CHN2: variants seen among roughly 807,000 people sequenced by gnomAD.
CHN2 encodes the protein chimerin 2.
A neutral mutation model predicts 56.3 loss-of-function variants in CHN2; 35 were observed. The ratio of observed to expected loss-of-function variants is 0.62; its 90% CI spans 0.47 to 0.82. The LOEUF (loss-of-function observed/expected upper bound fraction) is 0.82, where lower values mean the gene tolerates loss of function less well. Among genes scored for constraint, CHN2 ranks in the 40% least tolerant of loss-of-function variants. The pLI, the probability that CHN2 is intolerant of heterozygous loss-of-function variation, is 0.00. For synonymous variants in CHN2, 210 were observed against 212.8 expected (o/e 0.99, Z 0.12); for missense variants, 491 against 580.5 (o/e 0.85, Z 1.58).
chr7:29,456,384 T>C (rs1370091265), intron 6 of CHN2, among the ~76,000 whole-genome samples: 1 of 151,910 alleles, frequency 6.6e-6, no homozygotes, highest in Non-Finnish European at 1.5e-5. Flanking sequence ...TTAGCTGCCT[T>C]CATGTGGCCT....
intron 1 of CHN2, among the ~76,000 whole-genome samples, chr7:29,336,755 G>A (rs1286172481): frequency 6.2e-5 from 4 of 64,682 alleles, no homozygotes; most frequent in Non-Finnish European, 1.0e-4. Flanking sequence ...GCAAGATTCT[G>A]TCTCAAAAAA....
chr7:29,197,816 T>G (rs1210360149), intron 1 of CHN2: 2 of 399,534 alleles, frequency 5.0e-6, no homozygotes, highest in South Asian at 3.7e-5. Flanking sequence ...AAACAAATTC[T>G]GTGGAGAAGG....
At chr7:29,216,704 G>A (rs1285554672) in intron 1 of CHN2, among the ~76,000 whole-genome samples, 2 of 152,110 alleles carry the variant, frequency 1.3e-5, no homozygotes. Context: ...AAATCACAAG[G>A]ACCAATTGAT....
At chr7:29,336,146 T>A (rs1796601409) in intron 1 of CHN2, 1 of 152,166 alleles carries the variant, frequency 6.6e-6, no homozygotes, top group Admixed American at 6.6e-5. Flanking sequence ...TCCTGGAGAA[T>A]CTCCCTTGTG....
At position 29,354,664 on chromosome 7, in the gene CHN2, G is replaced by A; in HGVS notation, c.88+1G>A. 1.2e-6 allele frequency: 2 copies of A among 1,610,936 alleles called. No homozygotes were observed. The highest frequency in any genetic ancestry group is 8.5e-7 in the Non-Finnish European group (1 of 1,178,702). On this transcript the variant is annotated splice_donor_variant, in intron 2 of 12. Transcript: ENST00000222792. LOFTEE classifies it high-confidence loss of function. ...CAGCCTCCTATATGGAAATCATACT[G>A]TGAGTACCTGAAATGAAAATCTCCC...
At chr7:29,350,945 T>G (rs983138600) in intron 1 of CHN2, among the ~76,000 whole-genome samples, 2 of 151,992 alleles carry the variant, frequency 1.3e-5, no homozygotes, top group Admixed American at 6.6e-5. Context: ...CCATCTCTAC[T>G]AAAAATACAA....
At chr7:29,408,085 G>C (rs1311692656) in intron 6 of CHN2, among the ~76,000 whole-genome samples, 1 of 151,962 alleles carries the variant, frequency 6.6e-6, no homozygotes, top group Non-Finnish European at 1.5e-5. Flanking sequence ...AGCTACTCTG[G>C]AGGCTGAGAC....
chr7:29,402,188 G>A (rs1415608603), intron 6 of CHN2, among the ~76,000 whole-genome samples: 1 of 152,174 alleles, frequency 6.6e-6, no homozygotes, highest in Non-Finnish European at 1.5e-5. Flanking sequence ...GGAGGGCGGG[G>A]TGGCACCGTG....
chr7:29,344,722 G>T (rs926016856), intron 1 of CHN2, among the ~76,000 whole-genome samples: 4 of 152,000 alleles, frequency 2.6e-5, no homozygotes, highest in African/African-American at 9.7e-5. Context: ...GGGACTTTAG[G>T]CCTTGCTCTT....
At chr7:29,229,115 C>A (rs1175676843) in intron 1 of CHN2, among the ~76,000 whole-genome samples, 1 of 152,066 alleles carries the variant, frequency 6.6e-6, no homozygotes, top group Non-Finnish European at 1.5e-5. Context: ...CTCCTTCTTG[C>A]AAGAAGGGTG....
intron 1 of CHN2, among the ~76,000 whole-genome samples, chr7:29,298,334 C>A (rs1034179111): frequency 1.3e-5 from 2 of 152,120 alleles, no homozygotes; most frequent in African/African-American, 4.8e-5. Flanking sequence ...CCCCGTCCCC[C>A]CTCCCCCGCG....
rs140987744 is a variant in CHN2, at chr7:29,415,819, G to A, written c.576+14991G>A. 4.7e-3 allele frequency among the ~76,000 whole-genome samples: 718 copies of A among 152,272 alleles called. 4 individuals carry two copies. The highest frequency in any genetic ancestry group is 0.016 in the African/African-American group (668 of 41,552). On this transcript the variant is annotated intron_variant, in intron 6 of 12. Coordinates refer to ENST00000222792, the MANE Select transcript of CHN2 (RefSeq NM_004067.4). ...TGGGACATCAATGCAGTAACATTGA[G>A]GCATCTGCATTTTTGCTTTCAAAAC...
chr7:29,314,460 T>A (rs1794814874), intron 1 of CHN2, among the ~76,000 whole-genome samples: 1 of 152,212 alleles, frequency 6.6e-6, no homozygotes, highest in Non-Finnish European at 1.5e-5. Flanking sequence ...AAGATTGGTC[T>A]CACAACCATG....
chr7:29,161,133 A>C (rs922885450), intron 2 of CHN2, among the ~76,000 whole-genome samples: 1 of 152,154 alleles, frequency 6.6e-6, no homozygotes, highest in Non-Finnish European at 1.5e-5. Context: ...TATGATGAGC[A>C]AGATAGAGGA....
chr7:29,436,573 C>T (rs1312325241), intron 6 of CHN2, among the ~76,000 whole-genome samples: 1 of 152,164 alleles, frequency 6.6e-6, no homozygotes, highest in Non-Finnish European at 1.5e-5. Flanking sequence ...TAAAGAGAGA[C>T]AGCCCTGCCT....
intron 3 of CHN2, among the ~76,000 whole-genome samples, chr7:29,384,913 G>T (rs1341418602): frequency 6.6e-6 from 1 of 152,192 alleles, no homozygotes; most frequent in Non-Finnish European, 1.5e-5. Flanking sequence ...ATGCTGTGAG[G>T]TGTGGAGTCC....
intron 1 of CHN2, among the ~76,000 whole-genome samples, chr7:29,270,612 C>G (rs1463584330): frequency 6.6e-6 from 1 of 151,730 alleles, no homozygotes; most frequent in Non-Finnish European, 1.5e-5. Flanking sequence ...TGTATTGAGT[C>G]AAGATCATGT....
chr7:29,271,173 C>T (rs1297046907), intron 1 of CHN2, among the ~76,000 whole-genome samples: 2 of 152,108 alleles, frequency 1.3e-5, no homozygotes. Context: ...CTCTTTTAGT[C>T]AGCGTCCTGG....
At chr7:29,443,353 A>G (rs937887513) in intron 6 of CHN2, among the ~76,000 whole-genome samples, 10 of 152,214 alleles carry the variant, frequency 6.6e-5, no homozygotes, top group Non-Finnish European at 8.8e-5. Context: ...GATCACATAT[A>G]TGACAGCATA....
Sources: gnomAD v4.1 joint callset for allele counts (sites outside exome capture counted in the v4.1 genomes callset) on GRCh38, gnomAD v4.1.1 for gene constraint, MANE v1.5 for transcripts, NCBI Gene and HGNC (gene_info 2026-07-23, HGNC 2026-07-21) for gene names.